The following CGGBP1 variants were observed in gnomAD, a reference collection of about 807,000 sequenced individuals.
CGGBP1 encodes the protein CGG triplet repeat-binding protein 1.
CGGBP1 carries 4 observed loss-of-function variants against 11.4 expected under a neutral mutation model. The observed-to-expected ratio is 0.35, with a 90% confidence interval of 0.17 to 0.80. The LOEUF is 0.80. Among genes scored for constraint, CGGBP1 ranks in the 30% least tolerant of loss-of-function variants. The pLI, the probability that CGGBP1 is intolerant of heterozygous loss-of-function variation, is 0.52. For synonymous variants in CGGBP1, 76 were observed against 74.1 expected (o/e 1.03, Z -0.13); for missense variants, 135 against 202.1 (o/e 0.67, Z 2.01).
intron 2 of CGGBP1, among the ~76,000 whole-genome samples, chr3:88,068,039 G>T (rs1355055321): frequency 1.3e-5 from 2 of 152,194 alleles, no homozygotes; most frequent in South Asian, 2.1e-4. Context: ...CAAAGCACAA[G>T]TGGAGGGGTG....
At chr3:88,105,736 G>T (rs1328154207) in intron 2 of CGGBP1, among the ~76,000 whole-genome samples, 2 of 152,030 alleles carry the variant, frequency 1.3e-5, no homozygotes, top group Non-Finnish European at 2.9e-5. Context: ...TGGCATCTTG[G>T]TATATTTTTA....
chr3:88,129,998 T>A (rs1238039436), intron 2 of CGGBP1, among the ~76,000 whole-genome samples: 2 of 152,152 alleles, frequency 1.3e-5, no homozygotes, highest in Non-Finnish European at 2.9e-5. Context: ...TAAAAAGAAA[T>A]GATAATGTGC....
intron 2 of CGGBP1, chr3:88,129,174 A>C: frequency 1.8e-6 from 1 of 560,602 alleles, no homozygotes; most frequent in Non-Finnish European, 3.1e-6. Flanking sequence ...CCATAACTTA[A>C]GGTCATGTTG....
chr3:88,066,293 C>T (rs1173962707), intron 2 of CGGBP1, among the ~76,000 whole-genome samples: 1 of 152,104 alleles, frequency 6.6e-6, no homozygotes, highest in Non-Finnish European at 1.5e-5. Flanking sequence ...TCTATCCGTG[C>T]CAGGGTGTGG....
chr3:88,119,508 A>G (rs1165260324), intron 2 of CGGBP1, among the ~76,000 whole-genome samples: 1 of 150,802 alleles, frequency 6.6e-6, no homozygotes, highest in Non-Finnish European at 1.5e-5. Context: ...AACCTGCACA[A>G]TGTGCACGTG....
In CGGBP1 at chr3:88,086,520, G is replaced by T. The variant is rs143592628; in HGVS notation, c.-228-28297C>A. Reference sequence around the variant, plus strand: ...CTAAAGTATTCCCTCAAAAAGAAATGTTTATTTTTTTCACTGAAGTATTCA... The same window carrying T: ...CTAAAGTATTCCCTCAAAAAGAAATTTTTATTTTTTTCACTGAAGTATTCA... On this transcript the variant is annotated intron_variant, in intron 2 of 3. Transcript: ENST00000462901. The T allele has an allele frequency of 8.9e-3, 8,353 of 938,006 alleles. 50 individuals carry two copies. Among genetic ancestry groups the T allele is most frequent in the Middle Eastern group, 0.016 (46 of 2,934 alleles). The allele number at this position is 938,006 out of a possible 1,614,324, so 58.1% of individuals were successfully genotyped here. A position where few individuals can be genotyped will look rare whatever the true frequency, so the allele number is the denominator to read the frequency against.
intron 2 of CGGBP1, among the ~76,000 whole-genome samples, chr3:88,073,246 T>C (rs1478515957): frequency 6.6e-6 from 1 of 152,106 alleles, no homozygotes; most frequent in Non-Finnish European, 1.5e-5. Context: ...ATTGTCACAT[T>C]TTCCCAATGA....
chr3:88,149,693 G>T (rs1707374531), intron 1 of CGGBP1: 1 of 157,224 alleles, frequency 6.4e-6, no homozygotes, highest in Non-Finnish European at 1.4e-5. Flanking sequence ...CCCGGGTGGC[G>T]GGCTGCTTTC....
chr3:88,126,045 G>C, intron 2 of CGGBP1: 1 of 1,259,714 alleles, frequency 7.9e-7, no homozygotes, highest in South Asian at 2.0e-5. Context: ...CTGCCTCACT[G>C]GCCATCAGTC....
chr3:88,138,769 A>G (rs1038664025), intron 2 of CGGBP1: 1 of 1,231,936 alleles, frequency 8.1e-7, no homozygotes. Context: ...CTCGACCTTC[A>G]TGATGATCCC....
At chr3:88,074,678 G>C (rs1707704042) in intron 2 of CGGBP1, among the ~76,000 whole-genome samples, 1 of 151,934 alleles carries the variant, frequency 6.6e-6, no homozygotes, top group Non-Finnish European at 1.5e-5. Context: ...AGATCAGTAG[G>C]GCAAACGTTT....
chr3:88,113,086 A>G (rs1237643225), intron 2 of CGGBP1: 2 of 1,414,332 alleles, frequency 1.4e-6, no homozygotes, highest in East Asian at 5.0e-5. Flanking sequence ...TCAAAGAAGC[A>G]ATGAAAGTTA....
At chr3:88,059,508 G>A (rs1386231238), upstream of CGGBP1, 2 of 1,472,460 alleles carry the variant, frequency 1.4e-6, no homozygotes, top group Admixed American at 2.6e-5. Flanking sequence ...TCTGTCAGGT[G>A]AGGCGTCCGT....
chr3:88,121,163 C>T (rs1403136803), intron 2 of CGGBP1, among the ~76,000 whole-genome samples: 1 of 152,044 alleles, frequency 6.6e-6, no homozygotes, highest in Non-Finnish European at 1.5e-5. Flanking sequence ...CTTTCTGAAT[C>T]ATGATGCTCA....
intron 2 of CGGBP1, among the ~76,000 whole-genome samples, chr3:88,101,782 A>G (rs192242329): frequency 5.3e-5 from 8 of 152,200 alleles, no homozygotes; most frequent in Admixed American, 4.6e-4. Context: ...ATTCTAACCA[A>G]TTTCTTATGG....
chr3:88,140,902 C>G (rs1559739177), intron 2 of CGGBP1: 2 of 1,613,490 alleles, frequency 1.2e-6, no homozygotes, highest in Non-Finnish European at 1.7e-6. Flanking sequence ...GATGCCTGTT[C>G]TGATCAAGAT....
chr3:88,082,308 G>A (rs1708119783), intron 2 of CGGBP1, among the ~76,000 whole-genome samples: 1 of 152,078 alleles, frequency 6.6e-6, no homozygotes, highest in African/African-American at 2.4e-5. Context: ...TATATTTTTA[G>A]TAGTGACAGG....
At chr3:88,131,518 A>G (rs1706463786) in intron 2 of CGGBP1, among the ~76,000 whole-genome samples, 1 of 152,130 alleles carries the variant, frequency 6.6e-6, no homozygotes, top group Non-Finnish European at 1.5e-5. Flanking sequence ...AGTATACACA[A>G]ACACACACAC....
intron 2 of CGGBP1, among the ~76,000 whole-genome samples, chr3:88,072,683 T>A (rs942167031): frequency 1.3e-5 from 2 of 152,162 alleles, no homozygotes; most frequent in African/African-American, 2.4e-5. Context: ...CTTACCTGTG[T>A]TTTATTAATA....
Sources: allele counts gnomAD v4.1 joint callset (sites outside exome capture counted in the v4.1 genomes callset), GRCh38; gene constraint gnomAD v4.1.1; transcripts MANE v1.5; gene names NCBI Gene and HGNC (gene_info 2026-07-23, HGNC 2026-07-21).